Variants in ENPP6 observed in about 807,000 individuals in gnomAD.
The protein encoded by ENPP6 is glycerophosphocholine cholinephosphodiesterase ENPP6.
A neutral mutation model predicts 42.0 loss-of-function variants in ENPP6; 32 were observed. That is an observed-to-expected ratio of 0.76 (90% confidence interval 0.58 to 1.02). The LOEUF is 1.02. Among genes scored for constraint, ENPP6 ranks in the 50% least tolerant of loss-of-function variants. The pLI is 0.00. For missense variants in ENPP6, 552 were observed against 566.8 expected, an observed-to-expected ratio of 0.97 and a Z score of 0.27; for synonymous variants, 213 against 216.0, an observed-to-expected ratio of 0.99 and a Z score of 0.12.
chr4:184,136,929 C>T (rs1414993564), intron 2 of ENPP6, among the ~76,000 whole-genome samples: 2 of 152,172 alleles, frequency 1.3e-5, no homozygotes, highest in African/African-American at 4.8e-5. Flanking sequence ...TGCTGTGACC[C>T]CTTCACTATA....
chr4:184,172,234 G>GAA (rs1175386911), intron 1 of ENPP6, among the ~76,000 whole-genome samples: 1 of 152,162 alleles, frequency 6.6e-6, no homozygotes, highest in Non-Finnish European at 1.5e-5. Flanking sequence ...AGGCATAATG[G>GAA]AAAATGCAGG....
intron 6 of ENPP6, among the ~76,000 whole-genome samples, chr4:184,109,233 C>A (rs199550146): frequency 0.013 from 1,284 of 101,634 alleles, 8 homozygotes; most frequent in East Asian, 0.037. Context: ...ACAACAACAA[C>A]AAAAAAAAAC....
At chr4:184,129,110 T>C (rs1736551793) in intron 2 of ENPP6, among the ~76,000 whole-genome samples, 2 of 152,196 alleles carry the variant, frequency 1.3e-5, no homozygotes, top group Admixed American at 1.3e-4. Flanking sequence ...AGGAATGCTA[T>C]CATCACCATG....
chr4:184,093,125 T>G (rs1451618673), intron 7 of ENPP6, among the ~76,000 whole-genome samples: 1 of 152,168 alleles, frequency 6.6e-6, no homozygotes, highest in Non-Finnish European at 1.5e-5. Context: ...CAGCATGCAC[T>G]AGCTGGGTGA....
chr4:184,150,527 A>G (rs1737007261), intron 2 of ENPP6, among the ~76,000 whole-genome samples: 1 of 152,232 alleles, frequency 6.6e-6, no homozygotes, highest in South Asian at 2.1e-4. Context: ...GCAGAGACAC[A>G]TGAGTGCTCA....
At chr4:184,100,523 G>A (rs1481359289) in intron 6 of ENPP6, among the ~76,000 whole-genome samples, 3 of 152,172 alleles carry the variant, frequency 2.0e-5, no homozygotes, top group Non-Finnish European at 2.9e-5. Flanking sequence ...AGATCTGGCC[G>A]AAGGTGAGAA....
chr4:184,129,291 T>TACACACACACAC (rs60982411), intron 2 of ENPP6, among the ~76,000 whole-genome samples: 141 of 145,396 alleles, frequency 9.7e-4, no homozygotes, highest in African/African-American at 3.2e-3. Flanking sequence ...CCCCCCAACA[T>TACACACACACAC]ACACACACAC....
At chr4:184,120,529 C>A (rs779490321) in intron 3 of ENPP6, among the ~76,000 whole-genome samples, 14 of 152,242 alleles carry the variant, frequency 9.2e-5, no homozygotes, top group Non-Finnish European at 1.8e-4. Context: ...TGCTCTCCTC[C>A]ACCAACCCCA....
chr4:184,150,866 A>T (rs757183362), intron 2 of ENPP6, among the ~76,000 whole-genome samples: 113 of 152,370 alleles, frequency 7.4e-4, no homozygotes, highest in Non-Finnish European at 9.3e-4. Flanking sequence ...TAACACTGTA[A>T]ATGATCTTAA....
chr4:184,120,537 C>T (rs368685911), intron 3 of ENPP6, among the ~76,000 whole-genome samples: 3 of 152,336 alleles, frequency 2.0e-5, no homozygotes, highest in African/African-American at 7.2e-5. Flanking sequence ...TCCACCAACC[C>T]CATGAGCCAT....
At chr4:184,194,232 A>G (rs1183865722) in intron 1 of ENPP6, among the ~76,000 whole-genome samples, 1 of 152,180 alleles carries the variant, frequency 6.6e-6, no homozygotes, top group African/African-American at 2.4e-5. Context: ...GTGTGAGAAT[A>G]TAAACGATTC....
intron 1 of ENPP6, among the ~76,000 whole-genome samples, chr4:184,205,345 C>T (rs1465405452): frequency 1.3e-5 from 2 of 152,226 alleles, no homozygotes; most frequent in Admixed American, 1.3e-4. Context: ...GGGGAAGACG[C>T]ATCCGCCACG....
At chr4:184,127,039 A>G (rs894880425) in intron 2 of ENPP6, among the ~76,000 whole-genome samples, 4 of 152,248 alleles carry the variant, frequency 2.6e-5, no homozygotes, top group African/African-American at 9.6e-5. Context: ...AGACGGCACA[A>G]TTGTCAGTGA....
intron 3 of ENPP6, among the ~76,000 whole-genome samples, chr4:184,119,692 G>C (rs1277915852): frequency 6.6e-6 from 1 of 152,156 alleles, no homozygotes; most frequent in Non-Finnish European, 1.5e-5. Flanking sequence ...TAGTCCCCAT[G>C]TGTTGTGGGA....
At chr4:184,134,091 C>T (rs776943833) in intron 2 of ENPP6, among the ~76,000 whole-genome samples, 1 of 151,738 alleles carries the variant, frequency 6.6e-6, no homozygotes, top group Non-Finnish European at 1.5e-5. Flanking sequence ...ATGTCTGTCA[C>T]ATTTTTGTAT....
intron 2 of ENPP6, among the ~76,000 whole-genome samples, chr4:184,141,130 G>C (rs183560382): frequency 7.9e-5 from 12 of 152,330 alleles, no homozygotes; most frequent in African/African-American, 2.2e-4. Context: ...GTGAATTTGC[G>C]TGGGAGCTTT....
In ENPP6 at chr4:184,089,312, A is replaced by G. The variant is rs1735744282; in HGVS notation, c.*1865T>C. The G allele has an allele frequency of 6.6e-6, 1 of 152,192 alleles. No homozygotes were observed. Among genetic ancestry groups the G allele is most frequent in the African/African-American group, 2.4e-5 (1 of 41,450 alleles). The allele number at this position is 152,192 out of a possible 1,614,324, so 9.4% of individuals were successfully genotyped here. A position where few individuals can be genotyped will look rare whatever the true frequency, so the allele number is the denominator to read the frequency against. On this transcript the variant is annotated 3_prime_UTR_variant, in exon 8 of 8. Coordinates refer to ENST00000296741, the MANE Select transcript of ENPP6 (RefSeq NM_153343.4). ...TCATGATTCATGGCATGGAGACAGC[A>G]CCCAGCTTTCCTGAATCAAGGTGAA...
At chr4:184,165,666 A>G (rs1013577024) in intron 1 of ENPP6, among the ~76,000 whole-genome samples, 1 of 152,184 alleles carries the variant, frequency 6.6e-6, no homozygotes, top group African/African-American at 2.4e-5. Flanking sequence ...CAGACTAGGG[A>G]TATCAACAAA....
chr4:184,187,112 A>AG (rs376009525), intron 1 of ENPP6, among the ~76,000 whole-genome samples: 44 of 152,320 alleles, frequency 2.9e-4, no homozygotes, highest in African/African-American at 1.0e-3. Context: ...CCCATTTGTA[A>AG]GGTCTGGCAT....
Sources: gnomAD v4.1 joint callset for allele counts (sites outside exome capture counted in the v4.1 genomes callset) on GRCh38, gnomAD v4.1.1 for gene constraint, MANE v1.5 for transcripts, NCBI Gene and HGNC (gene_info 2026-07-23, HGNC 2026-07-21) for gene names.